NINJ2: variants seen among roughly 807,000 people sequenced by gnomAD.
NINJ2 encodes the protein ninjurin 2.
NINJ2 carries 12 observed loss-of-function variants against 11.7 expected under a neutral mutation model. The ratio of observed to expected loss-of-function variants is 1.02; its 90% confidence interval spans 0.66 to 1.66. The LOEUF is 1.66. NINJ2 is among the 40% of genes most tolerant of loss of function. The pLI is 0.00. For synonymous variants in NINJ2, 93 were observed against 76.8 expected (o/e 1.21, Z -1.10); for missense variants, 187 against 181.8 (o/e 1.03, Z -0.16).
chr12:631,638 G>C (rs1948283497), intron 1 of NINJ2, among the ~76,000 whole-genome samples: 1 of 152,198 alleles, frequency 6.6e-6, no homozygotes, highest in Admixed American at 6.5e-5. Flanking sequence ...TGGGATTACA[G>C]GCGTGAGCCA....
At chr12:569,435 C>T (rs1457294917) in intron 1 of NINJ2, among the ~76,000 whole-genome samples, 1 of 152,226 alleles carries the variant, frequency 6.6e-6, no homozygotes, top group Non-Finnish European at 1.5e-5. Context: ...TGCCCCCTGG[C>T]CTCCCTGCCC....
rs546916908 is a variant in NINJ2, at chr12:585,649, ACTGTGTGCAATGTCCTGAACT to A, written c.34-19492_34-19472del. On this transcript the variant is annotated intron_variant, in intron 1 of 3. Coordinates refer to ENST00000305108, the MANE Select transcript of NINJ2 (RefSeq NM_016533.6). The surrounding 1 kb of genome is among the most constrained non-coding windows in gnomAD (Gnocchi z 4.1). ...AGTCAGCAGCATCGATTAAGCACCC[ACTGTGTGCAATGTCCTGAACT>A]CTGTGCTGAGATGATAGCTCTGTTT... Among the ~76,000 whole-genome samples the A allele has an allele frequency of 9.5e-4, 145 of 152,260 alleles. 1 individual carries two copies. The highest frequency in any genetic ancestry group is 2.6e-3 in the Admixed American group (40 of 15,298).
intron 1 of NINJ2, among the ~76,000 whole-genome samples, chr12:575,477 C>T (rs1420633276): frequency 6.6e-6 from 1 of 152,216 alleles, no homozygotes; most frequent in Non-Finnish European, 1.5e-5. Context: ...CCATGCTCCC[C>T]CCAGGGAGAG....
intron 1 of NINJ2, among the ~76,000 whole-genome samples, chr12:661,342 A>G (rs1368277593): frequency 6.6e-6 from 1 of 152,236 alleles, no homozygotes; most frequent in East Asian, 1.9e-4. Flanking sequence ...TCAGCCTCCA[A>G]AATGCTAGGA....
At chr12:568,665 G>T (rs1947333819) in intron 1 of NINJ2, among the ~76,000 whole-genome samples, 1 of 152,244 alleles carries the variant, frequency 6.6e-6, no homozygotes, top group Non-Finnish European at 1.5e-5. Context: ...ACACGGGGCA[G>T]TTCCCTGCAC....
At chr12:595,908 G>T (rs1002127760) in intron 1 of NINJ2, among the ~76,000 whole-genome samples, 5 of 152,130 alleles carry the variant, frequency 3.3e-5, no homozygotes, top group Non-Finnish European at 5.9e-5. Flanking sequence ...ACATAAAATG[G>T]CAAGTAAGTA....
chr12:618,008 G>A (rs1198139379), intron 1 of NINJ2, among the ~76,000 whole-genome samples: 1 of 151,892 alleles, frequency 6.6e-6, no homozygotes, highest in Non-Finnish European at 1.5e-5. Flanking sequence ...GTCTGAAAGG[G>A]ATAAGGGGGG....
intron 1 of NINJ2, among the ~76,000 whole-genome samples, chr12:649,012 A>ATCTATCTG (rs1565648660): frequency 6.6e-6 from 1 of 150,984 alleles, no homozygotes; most frequent in Non-Finnish European, 1.5e-5. Flanking sequence ...CTATCTATCT[A>ATCTATCTG]TCTATCTATC....
intron 1 of NINJ2, among the ~76,000 whole-genome samples, chr12:617,152 G>A (rs1462484717): frequency 2.0e-5 from 3 of 152,170 alleles, no homozygotes; most frequent in Admixed American, 6.5e-5. Flanking sequence ...GTTGCAGTGA[G>A]CTGATCACTC....
chr12:628,423 AC>A lies in NINJ2; in HGVS notation c.33+34904del, dbSNP rs1324998063. Among the ~76,000 whole-genome samples, 11 of 152,050 alleles carry A rather than the reference AC, an allele frequency of 7.2e-5. No homozygotes were observed. Among genetic ancestry groups the A allele is most frequent in the Non-Finnish European group, 1.6e-4 (11 of 67,988 alleles). ...TACAAGGGTCTGGCACACAGTGGAC[AC>A]TCTTCCTGGCTTTTCTGGTACAGAG... is the stretch of plus-strand genomic sequence containing the variant. On this transcript the variant is annotated intron_variant, in intron 1 of 3. Transcript: ENST00000305108. This position sits in a 1 kb window ranked among gnomAD's most constrained non-coding sequence, Gnocchi z 4.4.
At chr12:573,705 G>C (rs1179995311) in intron 1 of NINJ2, among the ~76,000 whole-genome samples, 1 of 152,212 alleles carries the variant, frequency 6.6e-6, no homozygotes, top group East Asian at 1.9e-4. Context: ...CTAAGAGGAG[G>C]CATAACCTCT....
chr12:607,029 A>G (rs911482131), intron 1 of NINJ2, among the ~76,000 whole-genome samples: 2 of 152,200 alleles, frequency 1.3e-5, no homozygotes, highest in African/African-American at 4.8e-5. Context: ...GCTTTGTGAG[A>G]CACCAGATAC....
chr12:565,671 C>T (rs1255212963), intron 2 of NINJ2: 8 of 612,456 alleles, frequency 1.3e-5, no homozygotes, highest in South Asian at 3.8e-5. Context: ...AAGCGGTGAG[C>T]GAGTGAGTGA....
At chr12:588,345 C>G (rs891406419) in intron 1 of NINJ2, among the ~76,000 whole-genome samples, 1 of 152,170 alleles carries the variant, frequency 6.6e-6, no homozygotes, top group Non-Finnish European at 1.5e-5. Flanking sequence ...ACCTTTATAA[C>G]TATGACATCA....
At chr12:565,872 G>A (rs1196692594) in intron 2 of NINJ2, 78 bp downstream of exon 2, 7 of 1,242,932 alleles carry the variant, frequency 5.6e-6, no homozygotes, top group Non-Finnish European at 8.3e-6. Flanking sequence ...ATGCAGGGTG[G>A]CCCAGGGGAC....
chr12:594,649 CA>C (rs1379174601), intron 1 of NINJ2, among the ~76,000 whole-genome samples: 1 of 150,650 alleles, frequency 6.6e-6, no homozygotes, highest in Non-Finnish European at 1.5e-5. Flanking sequence ...AAAAACAAAA[CA>C]AAAAAAAGGA....
chr12:598,220 G>A (rs933816286), intron 1 of NINJ2, among the ~76,000 whole-genome samples: 3 of 152,188 alleles, frequency 2.0e-5, no homozygotes, highest in African/African-American at 4.8e-5. Flanking sequence ...TCTGGTATGC[G>A]CAAGGATGTT....
At chr12:602,214 T>G (rs1285373614) in intron 1 of NINJ2, among the ~76,000 whole-genome samples, 2 of 152,188 alleles carry the variant, frequency 1.3e-5, no homozygotes, top group East Asian at 3.8e-4. Flanking sequence ...TCAGTGGCTT[T>G]TAGTATTTAC....
chr12:590,466 G>A (rs1947703057), intron 1 of NINJ2, among the ~76,000 whole-genome samples: 1 of 152,220 alleles, frequency 6.6e-6, no homozygotes, highest in African/African-American at 2.4e-5. Context: ...TGCCTTCATA[G>A]TCTAAAAACG....
Sources: gnomAD v4.1 joint callset for allele counts (sites outside exome capture counted in the v4.1 genomes callset) on GRCh38, gnomAD v4.1.1 for gene constraint, Gnocchi (gnomAD v3.1) non-coding constraint, MANE v1.5 for transcripts, NCBI Gene and HGNC (gene_info 2026-07-23, HGNC 2026-07-21) for gene names.